APCDD1L: variants seen among roughly 807,000 people sequenced by gnomAD.
APCDD1L encodes APC down-regulated 1 like.
In APCDD1L, 21 loss-of-function variants were observed where a neutral mutation model predicts 24.2. The observed-to-expected ratio is 0.87, with a 90% CI of 0.61 to 1.25. The LOEUF (loss-of-function observed/expected upper bound fraction) is 1.25, where lower values mean the gene tolerates loss of function less well. APCDD1L is among the 50% of genes most tolerant of loss of function. The pLI is 0.00. For synonymous variants in APCDD1L, 321 were observed against 323.6 expected (o/e 0.99, Z 0.09); for missense variants, 704 against 711.7 (o/e 0.99, Z 0.12).
intron 1 of APCDD1L, among the ~76,000 whole-genome samples, chr20:58,488,300 T>C (rs79756491): frequency 0.016 from 2,374 of 152,236 alleles, 30 homozygotes; most frequent in Non-Finnish European, 0.023. Context: ...TTATCCACAG[T>C]CTGAGACACC....
intron 1 of APCDD1L, among the ~76,000 whole-genome samples, chr20:58,483,779 C>T (rs1402686741): frequency 6.6e-6 from 1 of 152,102 alleles, no homozygotes; most frequent in Non-Finnish European, 1.5e-5. Flanking sequence ...GGTACCAATT[C>T]AATTCATGAG....
At chr20:58,513,981 T>C (rs1600888561) in intron 1 of APCDD1L, 1 of 1,281,028 alleles carries the variant, frequency 7.8e-7, no homozygotes, top group Admixed American at 2.4e-5. Flanking sequence ...CAGTGGTGAC[T>C]GGGCCCCTGT....
Position 58,515,010 on chromosome 20 carries a change from A to T in APCDD1L, c.-303T>A, listed in dbSNP as rs1314470166. ...CCCTGGTGCAGCTCCTGCCATTCAG[A>T]CCCCCAGCCCTCCCCCAGATGTCCG... On this transcript the variant is annotated 5_prime_UTR_variant, in exon 1 of 4. Coordinates refer to ENST00000371149, the MANE Select transcript of APCDD1L (RefSeq NM_153360.3). 18 of 299,984 alleles carry T rather than the reference A, an allele frequency of 6.0e-5. No individual in the cohort carries two copies. In the East Asian group the frequency reaches 9.2e-4, roughly 15 times the overall value. The allele number at this position is 299,984 out of a possible 1,614,324, so 18.6% of individuals were successfully genotyped here.
chr20:58,501,793 G>A (rs762838722), intron 1 of APCDD1L, among the ~76,000 whole-genome samples: 7 of 152,158 alleles, frequency 4.6e-5, no homozygotes, highest in South Asian at 2.1e-4. Context: ...TTTTGAGCCC[G>A]AAAACCTGCC....
chr20:58,471,348 C>A (rs902934614), intron 1 of APCDD1L, among the ~76,000 whole-genome samples: 1 of 152,188 alleles, frequency 6.6e-6, no homozygotes, highest in African/African-American at 2.4e-5. Flanking sequence ...GCTCAGCGAG[C>A]GTGTGGCAAG....
rs1989576426 is a variant in APCDD1L, at chr20:58,460,588, C to T, written c.*202G>A. ...CCAAGTGCTTGACTGGGGACCCGGG[C>T]TGTGGGATGTGGTATAGGCTTTGCA... is the stretch of plus-strand genomic sequence containing the variant. On this transcript the variant is annotated 3_prime_UTR_variant, in exon 4 of 4. Transcript: ENST00000371149. This position sits in a 1 kb window ranked among gnomAD's most constrained non-coding sequence, Gnocchi z 4.2. 1.9e-6 allele frequency: 1 copy of T among 518,306 alleles called. No individual in the cohort carries two copies. The highest frequency in any genetic ancestry group is 3.9e-5 in the Admixed American group (1 of 25,900). 32.1% of individuals were successfully genotyped at this position (518,306 alleles called of 1,614,324 possible).
intron 1 of APCDD1L, among the ~76,000 whole-genome samples, chr20:58,474,928 C>T (rs2123147192): frequency 6.6e-6 from 1 of 152,266 alleles, no homozygotes; most frequent in South Asian, 2.1e-4. Flanking sequence ...CGCTTTCTGT[C>T]TCTGTGGATT....
In APCDD1L at chr20:58,467,347, G is replaced by T. The variant is rs1185694082; in HGVS notation, c.500C>A (p.Ala167Asp). 1.3e-6 allele frequency: 2 copies of T among 1,482,966 alleles called. No individual in the cohort carries two copies. The highest frequency in any genetic ancestry group is 1.8e-6 in the Non-Finnish European group (2 of 1,125,382). 91.9% of individuals were successfully genotyped at this position (1,482,966 alleles called of 1,614,324 possible). The change falls in exon 3 of 4, where the codon GCC (alanine) becomes GAC (aspartate). Residue 167 changes from alanine to aspartate, a missense_variant. Transcript: ENST00000371149. The surrounding 1 kb of genome is among the most constrained non-coding windows in gnomAD (Gnocchi z 5.9). ...DCARRLPPAR[A>D]WLPGALYELR... Reference sequence around the variant, plus strand: ...CTCGTACAGCGCCCCAGGCAGCCAGGCCCGGGCCGGAGGCAGCCGCCGCGC... The same window carrying T: ...CTCGTACAGCGCCCCAGGCAGCCAGTCCCGGGCCGGAGGCAGCCGCCGCGC...
intron 3 of APCDD1L, among the ~76,000 whole-genome samples, chr20:58,462,421 G>C (rs1427462334): frequency 6.6e-6 from 1 of 152,122 alleles, no homozygotes; most frequent in African/African-American, 2.4e-5. Context: ...GCTCATAGCA[G>C]GTTACATCTT....
At chr20:58,504,032 G>A (rs1187370871) in intron 1 of APCDD1L, among the ~76,000 whole-genome samples, 1 of 152,176 alleles carries the variant, frequency 6.6e-6, no homozygotes, top group African/African-American at 2.4e-5. Flanking sequence ...TGACTGACAA[G>A]TCCTCTAGGA....
At chr20:58,487,048 GACGAGGTTTC>G (rs1015296662) in intron 1 of APCDD1L, among the ~76,000 whole-genome samples, 3 of 151,884 alleles carry the variant, frequency 2.0e-5, no homozygotes, top group Admixed American at 1.3e-4. Context: ...TTTCAGTAGA[GACGAGGTTTC>G]ACCATGTTGG....
rs568129936 is a variant in APCDD1L at position 58,470,838 on chromosome 20, G to A, written c.50-91C>T. On this transcript the variant is annotated intron_variant, in intron 1 of 3. Coordinates refer to ENST00000371149, the MANE Select transcript of APCDD1L (RefSeq NM_153360.3). ...CCCAACCCCACTGTGGCCACAGAGA[G>A]CCAGGCAGGGCTGTCCCGCAACCTC... 6.9e-6 allele frequency: 10 copies of A among 1,450,986 alleles called. No homozygotes were observed. The East Asian group carries it at 2.2e-4, about 33-fold the overall frequency. The allele number at this position is 1,450,986 out of a possible 1,614,324, so 89.9% of individuals were successfully genotyped here.
At chr20:58,471,227 C>A (rs1355606947) in intron 1 of APCDD1L, among the ~76,000 whole-genome samples, 1 of 152,220 alleles carries the variant, frequency 6.6e-6, no homozygotes, top group Non-Finnish European at 1.5e-5. Flanking sequence ...GACCACTCCC[C>A]TCCACCAAGG....
At position 58,466,342 on chromosome 20, in the gene APCDD1L, C is replaced by T. The variant is rs533575561; in HGVS notation, c.741+764G>A. Among the ~76,000 whole-genome samples, 8 of 152,224 alleles carry T rather than the reference C, an allele frequency of 5.3e-5. 1 individual carries two copies. In the South Asian group the frequency reaches 1.4e-3, roughly 28 times the overall value. On this transcript the variant is annotated intron_variant, in intron 3 of 3. Coordinates refer to ENST00000371149, the MANE Select transcript of APCDD1L (RefSeq NM_153360.3). ...TGCTGGAAATGCAGAACCCCGGGCTCCACCCAGACCTGAAGGATCCCTTTC... is the reference window on the plus strand; with the variant it reads ...TGCTGGAAATGCAGAACCCCGGGCTTCACCCAGACCTGAAGGATCCCTTTC...
rs1235435543 is a variant in APCDD1L, at chr20:58,459,128, AG to A, written c.*1661del. The A allele has an allele frequency of 6.6e-6, 1 of 152,260 alleles. No homozygotes were observed. The highest frequency in any genetic ancestry group is 2.4e-5 in the African/African-American group (1 of 41,472). 9.4% of individuals were successfully genotyped at this position (152,260 alleles called of 1,614,324 possible). On this transcript the variant is annotated 3_prime_UTR_variant, in exon 4 of 4. Transcript: ENST00000371149. ...TTTCAGGCTGTTTAATTTTATTAAA[AG>A]GTTCAAATTTGATGATAAATGGTGG...
At chr20:58,491,141 C>T (rs929075020) in intron 1 of APCDD1L, among the ~76,000 whole-genome samples, 3 of 152,158 alleles carry the variant, frequency 2.0e-5, no homozygotes, top group African/African-American at 7.2e-5. Context: ...CCAAAAAAGC[C>T]TATTCTAAAT....
chr20:58,464,724 T>C (rs868650316), intron 3 of APCDD1L, among the ~76,000 whole-genome samples: 1 of 152,244 alleles, frequency 6.6e-6, no homozygotes, highest in African/African-American at 2.4e-5. Context: ...CTAAAAATGT[T>C]CATGTTTACC....
intron 1 of APCDD1L, among the ~76,000 whole-genome samples, chr20:58,504,925 T>C (rs1249122252): frequency 6.6e-6 from 1 of 152,216 alleles, no homozygotes; most frequent in African/African-American, 2.4e-5. Context: ...CAACCTCTGT[T>C]ACATTTCTAA....
In APCDD1L at chr20:58,470,672, G is replaced by T. The variant is rs573179097; in HGVS notation, c.125C>A (p.Pro42Gln). The change falls in exon 2 of 4, where the codon CCA becomes CAA. Residue 42 changes from proline (P) to glutamine (Q), a missense_variant. Pro to Gln is a moderately conservative substitution (Grantham distance 76, BLOSUM62 -1). Transcript: ENST00000371149. ...RWEPHCQQPL[P>Q]DRVPSTAILP... ...GATCGCAGTGCTGGGCACTCTATCT[G>T]GCAAGGGCTGCTGGCAGTGGGGTTC... is the stretch of plus-strand genomic sequence containing the variant. 3.4e-5 allele frequency: 53 copies of T among 1,565,012 alleles called. No individual in the cohort carries two copies. The East Asian group carries it at 1.0e-3, about 31-fold the overall frequency.
Sources: gnomAD v4.1 joint callset for allele counts (sites outside exome capture counted in the v4.1 genomes callset) on GRCh38, gnomAD v4.1.1 for gene constraint, Gnocchi (gnomAD v3.1) non-coding constraint, MANE v1.5 for transcripts, NCBI Gene and HGNC (gene_info 2026-07-23, HGNC 2026-07-21) for gene names.